The following JAK2 variants were observed in gnomAD, a reference collection of about 807,000 sequenced individuals.
JAK2 encodes the protein Janus kinase 2, also known as tyrosine-protein kinase JAK2.
In JAK2, 86 loss-of-function variants were observed where a neutral mutation model predicts 139.3. The ratio of observed to expected loss-of-function variants is 0.62; its 90% CI spans 0.52 to 0.74. JAK2 has a LOEUF of 0.74. Ranked by LOEUF, JAK2 falls within the 30% of genes least tolerant of loss-of-function variation. The pLI is 0.00. For missense variants in JAK2, 1,421 were observed against 1,360.3 expected (o/e 1.04, Z -0.70); for synonymous variants, 490 against 437.7 (o/e 1.12, Z -1.49).
At chr9:5,122,946 A>G in intron 22 of JAK2, 58 bp from the exon 23 acceptor site, 1 of 1,060,404 alleles carries the variant, frequency 9.4e-7, no homozygotes, top group Non-Finnish European at 1.4e-6. Flanking sequence ...TTTGCAGGTA[A>G]AATCAAGAGT....
intron 2 of JAK2, among the ~76,000 whole-genome samples, chr9:4,999,248 C>T: frequency 6.6e-6 from 1 of 152,082 alleles, no homozygotes; most frequent in East Asian, 1.9e-4. Context: ...TTTCTAAAGC[C>T]TAAAAGTTGA....
chr9:5,108,551 C>T (rs535139665), intron 22 of JAK2: 9 of 152,078 alleles, frequency 5.9e-5, no homozygotes, highest in South Asian at 2.1e-4. Flanking sequence ...TAACTCTATT[C>T]GGACTTCACC....
intron 2 of JAK2, among the ~76,000 whole-genome samples, chr9:5,021,041 C>G (rs1822388549): frequency 6.6e-6 from 1 of 152,120 alleles, no homozygotes; most frequent in Non-Finnish European, 1.5e-5. Flanking sequence ...AGTTGACGGG[C>G]TCTCTTGTGT....
chr9:4,992,428 T>A (rs190216344), intron 2 of JAK2, among the ~76,000 whole-genome samples: 2 of 152,298 alleles, frequency 1.3e-5, no homozygotes, highest in East Asian at 3.9e-4. Flanking sequence ...GAGTGGCAAG[T>A]TCACACTGCA....
In JAK2 at chr9:5,037,438, C is replaced by G. The variant is rs183693746; in HGVS notation, c.351-6965C>G. 2.0e-3 allele frequency among the ~76,000 whole-genome samples: 303 copies of G among 152,268 alleles called. 3 individuals carry two copies. The highest frequency in any genetic ancestry group is 0.015 in the South Asian group (70 of 4,824). Reference sequence around the variant, plus strand: ...TTTATTGCGGCACTATTCACAATAACAAAGACTTGGAACCAAGCTAGATGT... The same window carrying G: ...TTTATTGCGGCACTATTCACAATAAGAAAGACTTGGAACCAAGCTAGATGT... On this transcript the variant is annotated intron_variant, in intron 4 of 24. Coordinates refer to ENST00000381652, the MANE Select transcript of JAK2 (RefSeq NM_004972.4).
At chr9:5,007,884 C>A (rs547041299) in intron 2 of JAK2, among the ~76,000 whole-genome samples, 3 of 151,994 alleles carry the variant, frequency 2.0e-5, no homozygotes, top group Admixed American at 6.6e-5. Context: ...CGTGCCACCA[C>A]GCCTGGCTAA....
chr9:5,065,320 G>A (rs1030576891), intron 9 of JAK2, among the ~76,000 whole-genome samples: 2 of 152,220 alleles, frequency 1.3e-5, no homozygotes, highest in African/African-American at 4.8e-5. Flanking sequence ...AAAAAAGAAA[G>A]ATCTCCAATT....
intron 22 of JAK2, among the ~76,000 whole-genome samples, chr9:5,115,054 C>G (rs1403026020): frequency 6.6e-6 from 1 of 152,066 alleles, no homozygotes; most frequent in Non-Finnish European, 1.5e-5. Flanking sequence ...GCAACAAAAG[C>G]CAAAATAGAC....
intron 16 of JAK2, among the ~76,000 whole-genome samples, chr9:5,079,722 G>A (rs575977317): frequency 2.6e-5 from 4 of 152,062 alleles, no homozygotes; most frequent in South Asian, 4.1e-4. Flanking sequence ...TTCCTAAAGC[G>A]CTTGGGTGGA....
At chr9:5,044,951 T>C (rs555462960) in intron 5 of JAK2, among the ~76,000 whole-genome samples, 1 of 152,152 alleles carries the variant, frequency 6.6e-6, no homozygotes, top group Admixed American at 6.5e-5. Context: ...AAAAATGAGC[T>C]CTGATAGTTT....
intron 2 of JAK2, among the ~76,000 whole-genome samples, chr9:4,992,546 C>T (rs1820316019): frequency 6.6e-6 from 1 of 152,176 alleles, no homozygotes; most frequent in African/African-American, 2.4e-5. Context: ...CCTCCTGTAT[C>T]TGAAATACAC....
chr9:5,055,614 T>G, intron 7 of JAK2, 55 bp from the exon 8 acceptor site: 3 of 1,389,084 alleles, frequency 2.2e-6, no homozygotes, highest in Non-Finnish European at 3.0e-6. Context: ...AGTCTTGTTT[T>G]AAAATGGCTC....
At chr9:5,006,891 A>C (rs1308434887) in intron 2 of JAK2, among the ~76,000 whole-genome samples, 1 of 152,212 alleles carries the variant, frequency 6.6e-6, no homozygotes, top group East Asian at 1.9e-4. Flanking sequence ...AAATTGTTTT[A>C]AAAGGAACTT....
chr9:4,998,442 A>G (rs1043870954), intron 2 of JAK2, among the ~76,000 whole-genome samples: 2 of 152,114 alleles, frequency 1.3e-5, no homozygotes, highest in Admixed American at 1.3e-4. Flanking sequence ...TTTTTAGTAG[A>G]GACGGGGTTT....
At chr9:4,988,965 G>A (rs925227925) in intron 2 of JAK2, among the ~76,000 whole-genome samples, 3 of 151,972 alleles carry the variant, frequency 2.0e-5, no homozygotes, top group Non-Finnish European at 4.4e-5. Flanking sequence ...GTGAATCCCA[G>A]GACACATTTC....
At chr9:5,043,199 T>G (rs886299792) in intron 4 of JAK2, among the ~76,000 whole-genome samples, 1 of 152,188 alleles carries the variant, frequency 6.6e-6, no homozygotes, top group Non-Finnish European at 1.5e-5. Context: ...CGGGTCAGCT[T>G]GAGGCAGTGC....
At chr9:5,039,579 AT>A (rs1308855214) in intron 4 of JAK2, among the ~76,000 whole-genome samples, 1 of 152,154 alleles carries the variant, frequency 6.6e-6, no homozygotes, top group East Asian at 1.9e-4. Context: ...GATCTTGCAT[AT>A]TAAAAATCCT....
chr9:5,102,072 T>C (rs888465198), intron 22 of JAK2, among the ~76,000 whole-genome samples: 1 of 152,084 alleles, frequency 6.6e-6, no homozygotes, highest in African/African-American at 2.4e-5. Context: ...CTTCAGAAGG[T>C]TGGTAATAAC....
rs145753980 is a variant in JAK2 at position 5,086,220 on chromosome 9, C to T, written c.2572-3454C>T. ...CGCCCCCGCCACCAGCGCGAGGCCACGGTCGGAGTCTGAAAGTCGCGGTAG... is the reference window on the plus strand; with the variant it reads ...CGCCCCCGCCACCAGCGCGAGGCCATGGTCGGAGTCTGAAAGTCGCGGTAG... On this transcript the variant is annotated intron_variant, in intron 19 of 24. Transcript: ENST00000381652. 1,357 of 600,568 alleles carry T rather than the reference C, an allele frequency of 2.3e-3. 24 individuals are homozygous for T. In the African/African-American group the frequency reaches 0.025, roughly 11 times the overall value. 37.2% of individuals were successfully genotyped at this position (600,568 alleles called of 1,614,324 possible). A position where few individuals can be genotyped will look rare whatever the true frequency, so the allele number is the denominator to read the frequency against.
Sources: gnomAD v4.1 joint callset for allele counts (sites outside exome capture counted in the v4.1 genomes callset) on GRCh38, gnomAD v4.1.1 for gene constraint, MANE v1.5 for transcripts, NCBI Gene and HGNC (gene_info 2026-07-23, HGNC 2026-07-21) for gene names.